The following SLFN12L variants were observed in gnomAD, a reference collection of about 807,000 sequenced individuals.
SLFN12L encodes the protein schlafen family member 12 like.
Under a neutral mutation model 34.8 loss-of-function variants are expected in SLFN12L, and 34 were observed. That is an observed-to-expected ratio of 0.98 (90% CI 0.74 to 1.30). The LOEUF is 1.30. SLFN12L is among the 50% of genes most tolerant of loss of function. The probability of loss-of-function intolerance (pLI) is 0.00; values close to 1 mark genes in which losing one functional copy is unlikely to be tolerated. For missense variants in SLFN12L, 703 were observed against 696.2 expected (o/e 1.01, Z -0.11); for synonymous variants, 259 against 247.5 (o/e 1.05, Z -0.44).
rs1488957870 is a variant in SLFN12L, at chr17:35,479,906, T to C, written c.376A>G (p.Ser126Gly). Residue 126 changes from serine to glycine, a missense_variant, in exon 3 of 5, where the codon AGT (serine) becomes GGT (glycine). By Grantham distance (56) the Ser-to-Gly change is moderately conservative (BLOSUM62 0). Transcript: ENST00000628453. ...GIGLDLENSFSNMLPFVPNFL... is the reference protein window; with the variant it reads ...GIGLDLENSFGNMLPFVPNFL... ...TTAGGAACAAATGGCAGCATGTTAC[T>C]AAAAGAATTTTCCAAATCTAGCCCT... The C allele has an allele frequency of 1.2e-6, 2 of 1,613,210 alleles. No individual in the cohort carries two copies. Among genetic ancestry groups the C allele is most frequent in the East Asian group, 2.2e-5 (1 of 44,874 alleles).
At chr17:35,528,140 C>T (rs1168028285) in intron 1 of SLFN12L, among the ~76,000 whole-genome samples, 3 of 152,136 alleles carry the variant, frequency 2.0e-5, no homozygotes, top group African/African-American at 7.2e-5. Context: ...ATACAACTTA[C>T]AAGGGATGTG....
chr17:35,477,524 T>A (rs927591276), intron 4 of SLFN12L, among the ~76,000 whole-genome samples: 7 of 152,110 alleles, frequency 4.6e-5, no homozygotes, highest in African/African-American at 1.7e-4. Flanking sequence ...ATCTGTACTA[T>A]CTGTGACTAA....
chr17:35,490,008 T>A, intron 2 of SLFN12L: 1 of 1,588,842 alleles, frequency 6.3e-7, no homozygotes, highest in African/African-American at 1.3e-5. Context: ...ATATCCGACA[T>A]CCAGATCCTC....
chr17:35,491,287 A>C (rs1023583212), intron 2 of SLFN12L: 1 of 734,776 alleles, frequency 1.4e-6, no homozygotes, highest in Admixed American at 2.7e-5. Flanking sequence ...TTTTTAAATC[A>C]TGGAACCAGA....
rs528556843 is a variant in SLFN12L, at chr17:35,503,666, G to C, written c.86+18613C>G. Among the ~76,000 whole-genome samples, 21 of 152,064 alleles carry C rather than the reference G, an allele frequency of 1.4e-4. No individual in the cohort carries two copies. In the South Asian group the frequency reaches 4.2e-3, roughly 30 times the overall value. On this transcript the variant is annotated intron_variant, in intron 2 of 4. Coordinates refer to ENST00000628453, the MANE Select transcript of SLFN12L (RefSeq NM_001363830.2). Reference sequence around the variant, plus strand: ...GATGTCCCCACATTTAAAACAAAAGGTCAATTTCTTTAAAAAATAATTACA... The same window carrying C: ...GATGTCCCCACATTTAAAACAAAAGCTCAATTTCTTTAAAAAATAATTACA...
Position 35,522,730 on chromosome 17 carries a change from G to C in SLFN12L, c.-366C>G, listed in dbSNP as rs1916035399. ...CACCAGCTTCTGCTTCAAAGTAAGG[G>C]CAGTGCAAGTGCAGTAGTCCTGGCC... On this transcript the variant is annotated 5_prime_UTR_variant, in exon 2 of 5. Transcript: ENST00000628453. 8 of 1,613,922 alleles carry C rather than the reference G, an allele frequency of 5.0e-6. No individual in the cohort carries two copies. Among genetic ancestry groups the C allele is most frequent in the Admixed American group, 3.3e-5 (2 of 60,014 alleles).
At chr17:35,514,037 A>G (rs1272831644) in intron 2 of SLFN12L, among the ~76,000 whole-genome samples, 1 of 152,254 alleles carries the variant, frequency 6.6e-6, no homozygotes, top group East Asian at 1.9e-4. Flanking sequence ...GAGAAGCTGA[A>G]AGGGACACTT....
chr17:35,527,057 C>T (rs1432720188), intron 1 of SLFN12L, among the ~76,000 whole-genome samples: 29 of 151,764 alleles, frequency 1.9e-4, no homozygotes, highest in African/African-American at 7.0e-4. Context: ...AAATGCAAAC[C>T]ACCATCAGAG....
In SLFN12L at chr17:35,464,739, G is replaced by A. The variant is rs1047322784; in HGVS notation, c.*10184C>T. 6 of 152,138 alleles carry A rather than the reference G, an allele frequency of 3.9e-5. No individual in the cohort carries two copies. The highest frequency in any genetic ancestry group is 2.1e-4 in the South Asian group (1 of 4,820). 9.4% of individuals were successfully genotyped at this position (152,138 alleles called of 1,614,324 possible). A position where few individuals can be genotyped will look rare whatever the true frequency, so the allele number is the denominator to read the frequency against. ...ATGTACATAGATAAAGATATCAAAC[G>A]TATATCTAAATTAAAACAAACATCC... On this transcript the variant is annotated 3_prime_UTR_variant, in exon 5 of 5. Coordinates refer to ENST00000628453, the MANE Select transcript of SLFN12L (RefSeq NM_001363830.2).
intron 2 of SLFN12L, among the ~76,000 whole-genome samples, chr17:35,522,026 G>T (rs1220700472): frequency 1.3e-5 from 2 of 152,056 alleles, no homozygotes; most frequent in Non-Finnish European, 2.9e-5. Context: ...GTTAAATGAC[G>T]AGTTGATGGG....
At chr17:35,531,347 G>A (rs2072409015) in intron 1 of SLFN12L, among the ~76,000 whole-genome samples, 2 of 152,150 alleles carry the variant, frequency 1.3e-5, no homozygotes, top group African/African-American at 2.4e-5. Context: ...TTCTGAGCAG[G>A]AAATTATGTA....
Position 35,530,039 on chromosome 17 carries a change from G to A in SLFN12L, c.-605-7070C>T, listed in dbSNP as rs928383917. 1.3e-4 allele frequency among the ~76,000 whole-genome samples: 19 copies of A among 150,432 alleles called. 1 individual carries two copies. The highest frequency in any genetic ancestry group is 3.4e-4 in the African/African-American group (14 of 41,008). ...CTGAAAGAGAAACCCATACTCTTCC[G>A]ACTAACATTATAACCTCATAAACGT... On this transcript the variant is annotated intron_variant, in intron 1 of 4. Transcript: ENST00000628453.
In SLFN12L at chr17:35,475,431, G is replaced by A. The variant is rs750251667; in HGVS notation, c.1331C>T (p.Ser444Leu). The change falls in exon 5 of 5, where the codon TCA (serine) becomes TTA (leucine). Residue 444 changes from serine (S) to leucine (L), a missense_variant. Physicochemically the swap from Ser to Leu is moderately radical, Grantham distance 145. Coordinates refer to ENST00000628453, the MANE Select transcript of SLFN12L (RefSeq NM_001363830.2). ...TAATTGCTTAAGTCCTTCATGTTGT[G>A]AGAACAGATTTCTGCAGAAGGTTTT... Reference protein sequence around the residue: ...APKTFCRNLFSQHEGLKQLIC... With the variant: ...APKTFCRNLFLQHEGLKQLIC... 13 of 1,613,806 alleles carry A rather than the reference G, an allele frequency of 8.1e-6. No individual in the cohort carries two copies. The highest frequency in any genetic ancestry group is 4.5e-5 in the East Asian group (2 of 44,868).
At chr17:35,513,489 A>G (rs1915720927) in intron 2 of SLFN12L, among the ~76,000 whole-genome samples, 1 of 152,250 alleles carries the variant, frequency 6.6e-6, no homozygotes, top group Admixed American at 6.5e-5. Context: ...AATGAAAGCT[A>G]TCTGTACAAT....
chr17:35,525,417 C>T (rs576742569), intron 1 of SLFN12L, among the ~76,000 whole-genome samples: 57 of 152,184 alleles, frequency 3.7e-4, no homozygotes, highest in Admixed American at 1.2e-3. Context: ...TCAGATTCAC[C>T]AAGGTTGAAA....
At chr17:35,488,208 C>G (rs1340029482) in intron 2 of SLFN12L, among the ~76,000 whole-genome samples, 1 of 151,482 alleles carries the variant, frequency 6.6e-6, no homozygotes, top group Non-Finnish European at 1.5e-5. Flanking sequence ...GACTCCGTCT[C>G]AAAAAAAAAT....
chr17:35,509,622 A>G (rs1386088995), intron 2 of SLFN12L, among the ~76,000 whole-genome samples: 1 of 151,636 alleles, frequency 6.6e-6, no homozygotes. Flanking sequence ...TTGGACTTTT[A>G]TTTTTTCCTT....
At chr17:35,498,771 G>A in intron 2 of SLFN12L, 3 of 1,061,062 alleles carry the variant, frequency 2.8e-6, no homozygotes, top group South Asian at 2.9e-5. Context: ...CAGCTATACT[G>A]CCCTGTGCAA....
intron 2 of SLFN12L, chr17:35,515,221 G>T (rs1295444556): frequency 5.5e-6 from 3 of 546,614 alleles, no homozygotes; most frequent in East Asian, 8.9e-5. Context: ...GGACTGCGGC[G>T]GTGGGGGAAA....
Sources: allele counts gnomAD v4.1 joint callset (sites outside exome capture counted in the v4.1 genomes callset), GRCh38; gene constraint gnomAD v4.1.1; transcripts MANE v1.5; gene names NCBI Gene and HGNC (gene_info 2026-07-23, HGNC 2026-07-21).